SPHKAP: variants seen among roughly 807,000 people sequenced by gnomAD.
The protein encoded by SPHKAP is SPHK1 interactor, AKAP domain containing.
In SPHKAP, 67 loss-of-function variants were observed where a neutral mutation model predicts 137.5. The observed-to-expected ratio is 0.49, with a 90% confidence interval of 0.40 to 0.60. The LOEUF (loss-of-function observed/expected upper bound fraction) is 0.60, where lower values mean the gene tolerates loss of function less well. Among genes scored for constraint, SPHKAP ranks in the 20% least tolerant of loss-of-function variants. The pLI, the probability that SPHKAP is intolerant of heterozygous loss-of-function variation, is 0.00. For missense variants in SPHKAP, 2,097 were observed against 2,069.3 expected (o/e 1.01, Z -0.26); for synonymous variants, 813 against 785.3 (o/e 1.04, Z -0.59).
chr2:228,012,379 T>A (rs1694421331), intron 7 of SPHKAP, among the ~76,000 whole-genome samples: 1 of 152,068 alleles, frequency 6.6e-6, no homozygotes, highest in Admixed American at 6.6e-5. Context: ...GGGAACATTT[T>A]TCGGGCTGGC....
rs1694842944 is a variant in SPHKAP, at chr2:228,021,630, G to A, written c.697+81C>T. The A allele has an allele frequency of 4.6e-6, 7 of 1,510,014 alleles. No homozygotes were observed. The Admixed American group carries it at 6.1e-5, about 13-fold the overall frequency. 93.5% of individuals were successfully genotyped at this position (1,510,014 alleles called of 1,614,324 possible). A position where few individuals can be genotyped will look rare whatever the true frequency, so the allele number is the denominator to read the frequency against. On this transcript the variant is annotated intron_variant, in intron 6 of 11. Transcript: ENST00000392056. ...GTGATGTGTCAGCCAAACTGATGTG[G>A]CCTGGAACTTTTCTGAAATCTCACC...
intron 3 of SPHKAP, among the ~76,000 whole-genome samples, chr2:228,090,075 G>T (rs150966296): frequency 5.3e-5 from 8 of 152,170 alleles, no homozygotes; most frequent in Admixed American, 2.6e-4. Context: ...TGGTAGAGTC[G>T]CCAGCGTCTT....
intron 3 of SPHKAP, among the ~76,000 whole-genome samples, chr2:228,038,040 CTTTGATGAGGAGACTGAACG>C (rs1559361452): frequency 2.0e-5 from 3 of 152,276 alleles, no homozygotes; most frequent in East Asian, 1.9e-4. Flanking sequence ...GATTAGGAGG[CTTTGATGAGGAGACTGAACG>C]TTTGATGAGG....
At chr2:228,036,949 G>A (rs909947056) in intron 3 of SPHKAP, among the ~76,000 whole-genome samples, 6 of 151,988 alleles carry the variant, frequency 3.9e-5, no homozygotes, top group African/African-American at 1.4e-4. Flanking sequence ...CGAGTTAATG[G>A]GTGCAGCACA....
intron 1 of SPHKAP, among the ~76,000 whole-genome samples, chr2:228,151,455 G>A (rs1180251923): frequency 6.6e-6 from 1 of 152,034 alleles, no homozygotes; most frequent in East Asian, 1.9e-4. Flanking sequence ...ACCAGTAATG[G>A]GATGGCTGGG....
At chr2:228,109,420 C>G (rs986832562) in intron 2 of SPHKAP, 1 of 961,854 alleles carries the variant, frequency 1.0e-6, no homozygotes, top group African/African-American at 1.8e-5. Flanking sequence ...TCTAGAACAC[C>G]TAAGGTACTA....
chr2:228,133,066 G>T (rs905824128), intron 1 of SPHKAP, among the ~76,000 whole-genome samples: 4 of 152,010 alleles, frequency 2.6e-5, no homozygotes, highest in African/African-American at 4.8e-5. Context: ...CAGCACTTTC[G>T]GAGGCCGAGG....
intron 3 of SPHKAP, among the ~76,000 whole-genome samples, chr2:228,061,954 C>A (rs1696651750): frequency 6.6e-6 from 1 of 151,986 alleles, no homozygotes; most frequent in Non-Finnish European, 1.5e-5. Context: ...CAAACTGGTA[C>A]CCTCAGTTTA....
chr2:228,089,567 C>T (rs1697653977), intron 3 of SPHKAP, among the ~76,000 whole-genome samples: 1 of 152,144 alleles, frequency 6.6e-6, no homozygotes, highest in South Asian at 2.1e-4. Flanking sequence ...ATGCTAATAT[C>T]CAAGGAAAAA....
Position 228,063,017 on chromosome 2 carries a change from A to C in SPHKAP, c.247-35474T>G, listed in dbSNP as rs185983673. On this transcript the variant is annotated intron_variant, in intron 3 of 11. Transcript: ENST00000392056. ...GAAATTATGTGTTCTGAACAGAAAC[A>C]AGCTTTACAAATAAAGTTCTAGGTG... 1.1e-3 allele frequency among the ~76,000 whole-genome samples: 169 copies of C among 152,328 alleles called. 1 individual carries two copies. Among genetic ancestry groups the C allele is most frequent in the African/African-American group, 3.6e-3 (151 of 41,576 alleles).
At chr2:228,130,038 C>T (rs962600087) in intron 2 of SPHKAP, among the ~76,000 whole-genome samples, 21 of 152,144 alleles carry the variant, frequency 1.4e-4, no homozygotes, top group East Asian at 1.2e-3. Context: ...TCAGGTGATC[C>T]GCCCACCTCG....
intron 3 of SPHKAP, among the ~76,000 whole-genome samples, chr2:228,101,880 T>A (rs1257872622): frequency 2.6e-5 from 4 of 152,216 alleles, no homozygotes; most frequent in African/African-American, 9.6e-5. Context: ...TCAGTAGTCA[T>A]ACATTTAAAA....
At chr2:228,104,924 A>T (rs1698293787) in intron 3 of SPHKAP, among the ~76,000 whole-genome samples, 1 of 152,208 alleles carries the variant, frequency 6.6e-6, no homozygotes, top group African/African-American at 2.4e-5. Flanking sequence ...ACATAAAAAA[A>T]CAGTGGAAGA....
At chr2:228,119,488 C>G (rs191548386) in intron 2 of SPHKAP, among the ~76,000 whole-genome samples, 378 of 152,082 alleles carry the variant, frequency 2.5e-3, no homozygotes, top group African/African-American at 8.7e-3. Context: ...CTCTCTCTCT[C>G]TCTCTCTCAT....
intron 1 of SPHKAP, among the ~76,000 whole-genome samples, chr2:228,143,152 C>A (rs778763082): frequency 1.3e-5 from 2 of 152,142 alleles, no homozygotes; most frequent in African/African-American, 2.4e-5. Context: ...CCTTTGCCCT[C>A]AAAAATGTCA....
chr2:228,143,848 A>T (rs1203833805), intron 1 of SPHKAP, among the ~76,000 whole-genome samples: 1 of 151,972 alleles, frequency 6.6e-6, no homozygotes, highest in Non-Finnish European at 1.5e-5. Flanking sequence ...GGAGCTCTGC[A>T]TTTTATTTCA....
At chr2:228,000,198 G>C (rs1359536289) in intron 7 of SPHKAP, among the ~76,000 whole-genome samples, 1 of 152,210 alleles carries the variant, frequency 6.6e-6, no homozygotes, top group East Asian at 1.9e-4. Context: ...GGCAACGTTT[G>C]GCCAGGAGCG....
At chr2:228,024,525 A>G (rs1214586209) in intron 5 of SPHKAP, among the ~76,000 whole-genome samples, 5 of 152,160 alleles carry the variant, frequency 3.3e-5, no homozygotes, top group Non-Finnish European at 7.4e-5. Flanking sequence ...TTACCTGGAA[A>G]TAAAGCCTCC....
Position 228,020,370 on chromosome 2 carries a change from T to C in SPHKAP, c.698-214A>G, listed in dbSNP as rs530190890. 1.2e-3 allele frequency: 242 copies of C among 199,808 alleles called. 1 individual carries two copies. The highest frequency in any genetic ancestry group is 5.2e-3 in the African/African-American group (221 of 42,346). The allele number at this position is 199,808 out of a possible 1,614,324, so 12.4% of individuals were successfully genotyped here. ...AAGAAAATGTGGTACATATACACCATGGAATACTATGCAGCCATAAAAAAA... is the reference window on the plus strand; with the variant it reads ...AAGAAAATGTGGTACATATACACCACGGAATACTATGCAGCCATAAAAAAA... On this transcript the variant is annotated intron_variant, in intron 6 of 11. Coordinates refer to ENST00000392056, the MANE Select transcript of SPHKAP (RefSeq NM_001142644.2).
Sources: allele counts gnomAD v4.1 joint callset (sites outside exome capture counted in the v4.1 genomes callset), GRCh38; gene constraint gnomAD v4.1.1; transcripts MANE v1.5; gene names NCBI Gene and HGNC (gene_info 2026-07-23, HGNC 2026-07-21).